NPAS3: variants seen among roughly 807,000 people sequenced by gnomAD.
NPAS3 encodes the protein neuronal PAS domain protein 3, also known as neuronal PAS domain-containing protein 3.
NPAS3 carries 14 observed loss-of-function variants against 73.1 expected under a neutral mutation model. That is an observed-to-expected ratio of 0.19 (90% CI 0.13 to 0.30). NPAS3 has a LOEUF of 0.30. NPAS3 is among the 10% of genes least tolerant of loss of function. NPAS3 has a pLI of 1.00. For missense variants in NPAS3, 1,096 were observed against 1,250.0 expected, an observed-to-expected ratio of 0.88 and a Z score of 1.86; for synonymous variants, 620 against 541.5, an observed-to-expected ratio of 1.14 and a Z score of -2.01.
At chr14:33,654,255 G>A (rs2059081816) in intron 5 of NPAS3, among the ~76,000 whole-genome samples, 1 of 151,756 alleles carries the variant, frequency 6.6e-6, no homozygotes, top group Middle Eastern at 3.4e-3. Flanking sequence ...AGTTACATAA[G>A]TGTTGAAATC....
chr14:33,381,101 G>T (rs1478518530), intron 4 of NPAS3, among the ~76,000 whole-genome samples: 1 of 151,946 alleles, frequency 6.6e-6, no homozygotes. Context: ...AATCCATAAG[G>T]ATAGTTCAAT....
At chr14:33,117,670 A>G (rs1374204280) in intron 2 of NPAS3, among the ~76,000 whole-genome samples, 1 of 152,168 alleles carries the variant, frequency 6.6e-6, no homozygotes, top group African/African-American at 2.4e-5. Context: ...TCTGAGACAG[A>G]ACAAATATCT....
chr14:33,612,288 T>C (rs927683177), intron 5 of NPAS3: 50 of 411,624 alleles, frequency 1.2e-4, no homozygotes, highest in African/African-American at 9.0e-4. Flanking sequence ...TCTCTCTCTT[T>C]CCATTCACAT....
upstream of NPAS3, among the ~76,000 whole-genome samples, chr14:32,938,486 T>TGACAGAGAGA (rs1555372900): frequency 0.014 from 789 of 55,930 alleles, 90 homozygotes; most frequent in Middle Eastern, 0.03. Context: ...AGAGAGAAAT[T>TGACAGAGAGA]GAGAGAGAGA....
At chr14:33,799,912 G>C (rs372667593) in exon 12 of NPAS3, 2 of 1,614,182 alleles carry the variant, frequency 1.2e-6, no homozygotes, top group Non-Finnish European at 1.7e-6. Flanking sequence ...TCGAGCACTC[G>C]GACTTTGAGA....
At chr14:33,482,749 A>G (rs1384766679) in intron 4 of NPAS3, among the ~76,000 whole-genome samples, 1 of 151,922 alleles carries the variant, frequency 6.6e-6, no homozygotes, top group Non-Finnish European at 1.5e-5. Flanking sequence ...TTCTTTGCCC[A>G]ACCTTCACCC....
Position 33,496,156 on chromosome 14 carries a change from C to T in NPAS3, c.469-63965C>T, listed in dbSNP as rs535261110. ...TCCCAAGACTGAATCAGGAAGAAAT[C>T]GAATCCCTGAATAGACCGATAACAA... On this transcript the variant is annotated intron_variant, in intron 4 of 11. Coordinates refer to ENST00000356141, the Ensembl canonical transcript of NPAS3. Among the ~76,000 whole-genome samples, 28 of 152,074 alleles carry T rather than the reference C, an allele frequency of 1.8e-4. No homozygotes were observed. In the South Asian group the frequency reaches 4.6e-3, roughly 25 times the overall value.
intron 2 of NPAS3, among the ~76,000 whole-genome samples, chr14:33,164,311 TGAA>T (rs1405762486): frequency 6.6e-6 from 1 of 152,222 alleles, no homozygotes; most frequent in African/African-American, 2.4e-5. Context: ...TTCAATTTTG[TGAA>T]GAAGCTTCAC....
intron 5 of NPAS3, among the ~76,000 whole-genome samples, chr14:33,657,643 C>T (rs551341352): frequency 2.6e-5 from 4 of 152,196 alleles, no homozygotes; most frequent in African/African-American, 2.4e-5. Flanking sequence ...GTCAGGCTCT[C>T]TTTCCACTTT....
At chr14:33,172,999 A>G (rs947051759) in intron 2 of NPAS3, among the ~76,000 whole-genome samples, 2 of 152,226 alleles carry the variant, frequency 1.3e-5, no homozygotes, top group African/African-American at 2.4e-5. Context: ...AATCAATATG[A>G]GAAGTTTTAA....
intron 3 of NPAS3, among the ~76,000 whole-genome samples, chr14:33,321,514 A>G (rs537047954): frequency 3.9e-5 from 6 of 152,056 alleles, no homozygotes; most frequent in African/African-American, 1.4e-4. Context: ...GTTAATATAC[A>G]TGATGTCCGT....
intron 1 of NPAS3, among the ~76,000 whole-genome samples, chr14:32,979,476 G>T (rs1595140995): frequency 6.6e-6 from 1 of 152,208 alleles, no homozygotes. Flanking sequence ...CAAACACCAG[G>T]TCTCGGGGAA....
At chr14:33,110,383 A>G (rs2042852706) in intron 2 of NPAS3, among the ~76,000 whole-genome samples, 2 of 152,184 alleles carry the variant, frequency 1.3e-5, no homozygotes, top group Non-Finnish European at 2.9e-5. Context: ...TCCAGGCTGA[A>G]GTAAGTTTAG....
chr14:33,074,707 C>G (rs986808609), intron 2 of NPAS3, among the ~76,000 whole-genome samples: 1 of 152,192 alleles, frequency 6.6e-6, no homozygotes, highest in African/African-American at 2.4e-5. Flanking sequence ...GTGAGCCACG[C>G]GCTCGGCCAA....
intron 3 of NPAS3, among the ~76,000 whole-genome samples, chr14:33,335,502 A>C (rs1229919946): frequency 6.6e-6 from 1 of 152,182 alleles, no homozygotes; most frequent in Non-Finnish European, 1.5e-5. Flanking sequence ...AAGGTTCCTG[A>C]AAGTTGCATC....
At chr14:33,167,402 C>T (rs998452583) in intron 2 of NPAS3, among the ~76,000 whole-genome samples, 1 of 152,098 alleles carries the variant, frequency 6.6e-6, no homozygotes, top group Non-Finnish European at 1.5e-5. Flanking sequence ...GGAATGAATA[C>T]ACACACGCAC....
chr14:33,661,422 T>C (rs1448739614), intron 5 of NPAS3, among the ~76,000 whole-genome samples: 1 of 152,208 alleles, frequency 6.6e-6, no homozygotes. Flanking sequence ...ATGAATCTCA[T>C]TTCCAATGCA....
chr14:33,777,611 T>C (rs1296743754), intron 8 of NPAS3, among the ~76,000 whole-genome samples: 4 of 151,408 alleles, frequency 2.6e-5, no homozygotes, highest in Non-Finnish European at 4.4e-5. Context: ...ACAAAAAATA[T>C]ATTCCACTTT....
chr14:33,004,331 C>G (rs528258663), intron 1 of NPAS3, among the ~76,000 whole-genome samples: 3 of 152,168 alleles, frequency 2.0e-5, no homozygotes, highest in Admixed American at 6.5e-5. Context: ...GCCTATTTCT[C>G]AAAGCCTACA....
Sources: allele counts gnomAD v4.1 joint callset (sites outside exome capture counted in the v4.1 genomes callset), GRCh38; gene constraint gnomAD v4.1.1; transcripts MANE v1.5; gene names NCBI Gene and HGNC (gene_info 2026-07-23, HGNC 2026-07-21).